CHD9: variants seen among roughly 807,000 people sequenced by gnomAD.
CHD9 encodes ATP-dependent chromatin remodeler CHD9.
CHD9 carries 77 observed loss-of-function variants against 316.1 expected under a neutral mutation model. That is an observed-to-expected ratio of 0.24 (90% confidence interval 0.20 to 0.29). The LOEUF (loss-of-function observed/expected upper bound fraction) is 0.29, where lower values mean the gene tolerates loss of function less well. Ranked by LOEUF, CHD9 falls within the 10% of genes least tolerant of loss-of-function variation. The pLI is 1.00. For synonymous variants in CHD9, 1,129 were observed against 1,158.3 expected, an observed-to-expected ratio of 0.97 and a Z score of 0.51; for missense variants, 2,763 against 3,438.1, an observed-to-expected ratio of 0.80 and a Z score of 4.91.
chr16:53,149,208 C>T (rs967765508), intron 1 of CHD9, among the ~76,000 whole-genome samples: 1 of 152,136 alleles, frequency 6.6e-6, no homozygotes. Flanking sequence ...TTCATCTGCA[C>T]TCCGGAAGAA....
Position 53,291,732 on chromosome 16 carries a change from T to C in CHD9, c.5255T>C (p.Val1752Ala). 1 of 1,564,172 alleles carries C rather than the reference T, an allele frequency of 6.4e-7. No homozygotes were observed. Among genetic ancestry groups the C allele is most frequent in the Non-Finnish European group, 8.6e-7 (1 of 1,161,648 alleles). ...AIFKDDIEDD[V>A]SSPGDLVIAD... ...TCTATTTTCTTTTAAAAGGATGATG[T>C]TTCCTCACCAGGAGATCTTGTTATA... Residue 1752 changes from valine (V) to alanine (A), a missense_variant, in exon 28 of 39, where the codon GTT becomes GCT. Physicochemically the swap from Val to Ala is moderately conservative, Grantham distance 64. Around this residue, in one of 15 missense-constraint regions of CHD9, gnomAD observed 183 missense variants for 258.5 expected, o/e 0.71. Transcript: ENST00000447540.
At chr16:53,098,231 T>G (rs2036541584) in intron 1 of CHD9, among the ~76,000 whole-genome samples, 1 of 151,200 alleles carries the variant, frequency 6.6e-6, no homozygotes, top group African/African-American at 2.4e-5. Flanking sequence ...ATCCCAGCAC[T>G]TTGGGAGGCC....
chr16:53,165,088 A>G (rs1405724476), intron 2 of CHD9, among the ~76,000 whole-genome samples: 1 of 152,226 alleles, frequency 6.6e-6, no homozygotes, highest in Non-Finnish European at 1.5e-5. Flanking sequence ...TAGAAGTCAC[A>G]GAAAAGCAGA....
Position 53,273,539 on chromosome 16 carries a change from T to A in CHD9, c.4718-87T>A, listed in dbSNP as rs867902141. On this transcript the variant is annotated intron_variant, in intron 22 of 38. Transcript: ENST00000447540. ...ATCTCTGAACAGACCTCAGAAAGTC[T>A]CCAGAAATTTCTTGCATTGAAACAA... 3.4e-5 allele frequency: 33 copies of A among 970,518 alleles called. No individual in the cohort carries two copies. In the Middle Eastern group the frequency reaches 3.2e-3, roughly 95 times the overall value. 60.1% of individuals were successfully genotyped at this position (970,518 alleles called of 1,614,324 possible).
At chr16:53,091,698 A>G (rs1302189326) in intron 1 of CHD9, among the ~76,000 whole-genome samples, 4 of 152,200 alleles carry the variant, frequency 2.6e-5, no homozygotes, top group Non-Finnish European at 4.4e-5. Flanking sequence ...AAATGTTTGG[A>G]ATAAATAAGT....
At chr16:53,069,351 A>T (rs569342448) in intron 1 of CHD9, among the ~76,000 whole-genome samples, 1 of 152,294 alleles carries the variant, frequency 6.6e-6, no homozygotes, top group African/African-American at 2.4e-5. Context: ...ATTGTTGTAC[A>T]ACCATCACCA....
intron 34 of CHD9, among the ~76,000 whole-genome samples, chr16:53,312,142 A>G (rs996812678): frequency 6.6e-6 from 1 of 152,218 alleles, no homozygotes; most frequent in African/African-American, 2.4e-5. Flanking sequence ...AATGTACAAT[A>G]TTGGTAGAAA....
At position 53,304,234 on chromosome 16, in the gene CHD9, G is replaced by A. The variant is rs779137612; in HGVS notation, c.6228G>A (p.Glu2076=). The A allele has an allele frequency of 2.5e-6, 4 of 1,610,904 alleles. No homozygotes were observed. In the East Asian group the frequency reaches 8.9e-5, roughly 36 times the overall value. ...SVETRTLIKS[E]PVSPKNGVLP... ...AAACCAGGACACTAATAAAATCTGA[G>A]CCTGTAAGTCCAAAGAATGGTGTTT... Residue 2076 remains glutamate (E), a synonymous_variant, in exon 31 of 39, where the codon GAG becomes GAA. Transcript: ENST00000447540.
intron 36 of CHD9, among the ~76,000 whole-genome samples, chr16:53,317,692 C>T (rs1004573549): frequency 3.3e-5 from 5 of 152,094 alleles, no homozygotes; most frequent in Non-Finnish European, 5.9e-5. Flanking sequence ...CAGGGTCTCA[C>T]CATATTGCCC....
intron 20 of CHD9, among the ~76,000 whole-genome samples, chr16:53,265,629 TA>T (rs2051588793): frequency 6.6e-6 from 1 of 152,160 alleles, no homozygotes; most frequent in Non-Finnish European, 1.5e-5. Flanking sequence ...CTATGCTCTA[TA>T]CCAAGTAAAC....
At chr16:53,209,376 A>G (rs2046147162) in intron 2 of CHD9, 106 bp from the exon 3 acceptor site, 14 of 793,234 alleles carry the variant, frequency 1.8e-5, no homozygotes, top group Non-Finnish European at 2.7e-5. Context: ...ATATTTGCTA[A>G]TGTAATTTTA....
At chr16:53,252,249 G>C (rs757662498) in intron 17 of CHD9, among the ~76,000 whole-genome samples, 3 of 151,924 alleles carry the variant, frequency 2.0e-5, no homozygotes, top group African/African-American at 4.8e-5. Flanking sequence ...ATAAACCCAC[G>C]TACTTACAGC....
intron 27 of CHD9, among the ~76,000 whole-genome samples, 185 bp from the exon 28 acceptor site, chr16:53,291,540 G>A (rs1215422369): frequency 6.6e-6 from 1 of 152,226 alleles, no homozygotes; most frequent in Non-Finnish European, 1.5e-5. Flanking sequence ...AAAAGCAATA[G>A]AGAAGTGTGA....
rs900178116 is a variant in CHD9 at position 53,324,701 on chromosome 16, T to C, written c.8500T>C (p.Leu2834=). Residue 2834 remains leucine, a synonymous_variant, in exon 39 of 39, where the codon TTA becomes CTA. Coordinates refer to ENST00000447540, the MANE Select transcript of CHD9 (RefSeq NM_001308319.2). ...TGATGTACAAAACAAAAACAGTGAC[T>C]TAGGCTCGTCTAAGTCTGTAGAAGT... ...TFDVQNKNSD[L]GSSKSVEVKE... The C allele has an allele frequency of 1.2e-6, 2 of 1,613,254 alleles. No individual in the cohort carries two copies. The highest frequency in any genetic ancestry group is 2.7e-5 in the African/African-American group (2 of 74,916).
chr16:53,229,143 A>G (rs2047944879), intron 8 of CHD9, 43 bp downstream of exon 8: 1 of 959,580 alleles, frequency 1.0e-6, no homozygotes, highest in Non-Finnish European at 1.6e-6. Flanking sequence ...TGGTCTCTGA[A>G]TACATGTAGC....
chr16:53,094,735 G>A (rs1403122191), intron 1 of CHD9, among the ~76,000 whole-genome samples: 1 of 151,432 alleles, frequency 6.6e-6, no homozygotes, highest in Non-Finnish European at 1.5e-5. Flanking sequence ...TGCCTCCCGG[G>A]TTCAAGTGAT....
At chr16:53,226,918 T>C (rs1490022274) in intron 5 of CHD9, among the ~76,000 whole-genome samples, 1 of 152,236 alleles carries the variant, frequency 6.6e-6, no homozygotes, top group Non-Finnish European at 1.5e-5. Context: ...CTTCTGCTAC[T>C]TCTCCATAAG....
intron 3 of CHD9, among the ~76,000 whole-genome samples, chr16:53,220,055 T>C (rs2047107092): frequency 6.6e-6 from 1 of 152,144 alleles, no homozygotes; most frequent in African/African-American, 2.4e-5. Flanking sequence ...AAGGGAGATT[T>C]TTATTTTAGG....
At chr16:53,307,342 T>A (rs1226651671) in intron 32 of CHD9, among the ~76,000 whole-genome samples, 1 of 152,122 alleles carries the variant, frequency 6.6e-6, no homozygotes, top group Admixed American at 6.6e-5. Flanking sequence ...AATTTTTTAA[T>A]TTTTTGCAGA....
Sources: allele counts gnomAD v4.1 joint callset (sites outside exome capture counted in the v4.1 genomes callset), GRCh38; gene constraint gnomAD v4.1.1; regional missense constraint gnomAD v4.1.1; transcripts MANE v1.5; gene names NCBI Gene and HGNC (gene_info 2026-07-23, HGNC 2026-07-21).